PRKN: variants seen among roughly 807,000 people sequenced by gnomAD.
PRKN encodes the protein E3 ubiquitin-protein ligase parkin.
PRKN carries 56 observed loss-of-function variants against 59.5 expected under a neutral mutation model. The ratio of observed to expected loss-of-function variants is 0.94; its 90% CI spans 0.76 to 1.18. The LOEUF (loss-of-function observed/expected upper bound fraction) is 1.18. Among genes scored for constraint, PRKN ranks in the 50% most tolerant of loss-of-function variants. The pLI, the probability that PRKN is intolerant of heterozygous loss-of-function variation, is 0.00. For synonymous variants in PRKN, 250 were observed against 222.1 expected, an observed-to-expected ratio of 1.13 and a Z score of -1.12; for missense variants, 657 against 596.4, an observed-to-expected ratio of 1.10 and a Z score of -1.06.
At chr6:161,977,698 C>A (rs955571413) in intron 5 of PRKN, among the ~76,000 whole-genome samples, 24 of 151,894 alleles carry the variant, frequency 1.6e-4, no homozygotes, top group Non-Finnish European at 2.9e-4. Context: ...AAGGCGCCCG[C>A]CACCACGCCC....
At chr6:161,573,059 C>A (rs1020011640) in intron 7 of PRKN, among the ~76,000 whole-genome samples, 1 of 152,064 alleles carries the variant, frequency 6.6e-6, no homozygotes, top group Non-Finnish European at 1.5e-5. Context: ...GGATAGAAGG[C>A]AAGGGAGGCT....
intron 7 of PRKN, among the ~76,000 whole-genome samples, chr6:161,682,192 G>T (rs1158553151): frequency 6.6e-6 from 1 of 152,176 alleles, no homozygotes; most frequent in Non-Finnish European, 1.5e-5. Context: ...GCTCCACTGG[G>T]CATGGCAGCA....
At chr6:162,010,891 A>T (rs1782589214) in intron 5 of PRKN, among the ~76,000 whole-genome samples, 1 of 12,152 alleles carries the variant, frequency 8.2e-5, no homozygotes, top group South Asian at 3.0e-3. Context: ...TATATAATAT[A>T]TTATATATAC....
intron 6 of PRKN, among the ~76,000 whole-genome samples, chr6:161,830,443 A>G (rs78859497): frequency 1.1e-4 from 16 of 151,966 alleles, no homozygotes; most frequent in African/African-American, 3.1e-4. Context: ...TAGTAGAGAC[A>G]GTGTTTCACC....
intron 2 of PRKN, among the ~76,000 whole-genome samples, chr6:162,293,900 G>A (rs374792756): frequency 1.3e-5 from 2 of 152,064 alleles, no homozygotes; most frequent in Non-Finnish European, 2.9e-5. Flanking sequence ...GGATGGTCTC[G>A]ATCTCCTGAC....
intron 2 of PRKN, among the ~76,000 whole-genome samples, chr6:162,383,229 A>C (rs1429635082): frequency 2.0e-5 from 3 of 152,210 alleles, no homozygotes; most frequent in Non-Finnish European, 4.4e-5. Context: ...TCCCAGTTCC[A>C]TTAGAGGCAT....
chr6:162,462,887 A>G (rs967727576), intron 1 of PRKN, among the ~76,000 whole-genome samples: 10 of 152,054 alleles, frequency 6.6e-5, no homozygotes, highest in Non-Finnish European at 2.9e-5. Context: ...TGAGGTCAGG[A>G]GTTCGAGACC....
chr6:162,313,143 A>G (rs1299942811), intron 2 of PRKN, among the ~76,000 whole-genome samples: 1 of 152,154 alleles, frequency 6.6e-6, no homozygotes, highest in African/African-American at 2.4e-5. Flanking sequence ...TTGCCATCTT[A>G]CCCATCTCTA....
intron 5 of PRKN, among the ~76,000 whole-genome samples, chr6:162,052,350 T>C (rs1777678697): frequency 6.6e-6 from 1 of 152,136 alleles, no homozygotes; most frequent in Admixed American, 6.6e-5. Context: ...TTTTGTTTTG[T>C]TTTTTTAATC....
At position 162,499,599 on chromosome 6, in the gene PRKN, G is replaced by T. The variant is rs73035887; in HGVS notation, c.8-56126C>A. ...CAATTAACTGGAATTCAGGAGACCC[G>T]GACACTGTCTTCAAAGGTTGAAAGA... On this transcript the variant is annotated intron_variant, in intron 1 of 11. Coordinates refer to ENST00000366898, the MANE Select transcript of PRKN (RefSeq NM_004562.3). 2.0e-5 allele frequency among the ~76,000 whole-genome samples: 3 copies of T among 152,232 alleles called. No homozygotes were observed. In the South Asian group the frequency reaches 6.2e-4, roughly 32 times the overall value.
intron 6 of PRKN, among the ~76,000 whole-genome samples, chr6:161,964,109 G>A (rs1410030259): frequency 2.0e-5 from 3 of 152,108 alleles, no homozygotes; most frequent in Non-Finnish European, 4.4e-5. Context: ...GACCATGCAG[G>A]TTGGAGGGTA....
chr6:162,472,084 T>C (rs1471547106), intron 1 of PRKN, among the ~76,000 whole-genome samples: 1 of 152,188 alleles, frequency 6.6e-6, no homozygotes, highest in African/African-American at 2.4e-5. Context: ...ATGGAATGAC[T>C]ACATAATAAC....
At chr6:162,277,882 C>T (rs375421213) in intron 2 of PRKN, among the ~76,000 whole-genome samples, 6 of 152,178 alleles carry the variant, frequency 3.9e-5, no homozygotes, top group Non-Finnish European at 8.8e-5. Context: ...CAAAACTAAA[C>T]ATACTATAAC....
Position 162,414,709 on chromosome 6 carries a change from T to TGAAAAAAAAAAAAAAAAAA in PRKN, c.171+28600_171+28601insTTTTTTTTTTTTTTTTTTC, listed in dbSNP as rs373871165. Among the ~76,000 whole-genome samples, 307 of 44,458 alleles carry TGAAAAAAAAAAAAAAAAAA rather than the reference T, an allele frequency of 6.9e-3. 74 individuals carry two copies. Among genetic ancestry groups the TGAAAAAAAAAAAAAAAAAA allele is most frequent in the Middle Eastern group, 0.024 (2 of 84 alleles). 29.2% of individuals were successfully genotyped at this position (44,458 alleles called of 152,430 possible). ...CTGGTCAACTGAGCAAGACTCCGTC[T>TGAAAAAAAAAAAAAAAAAA]CAAAAAAAAAAAAAAAAAGTGAATC... is the stretch of plus-strand genomic sequence containing the variant. On this transcript the variant is annotated intron_variant, in intron 2 of 11. Transcript: ENST00000366898.
At chr6:162,715,181 T>G (rs1003827215) in intron 1 of PRKN, among the ~76,000 whole-genome samples, 1 of 152,136 alleles carries the variant, frequency 6.6e-6, no homozygotes, top group African/African-American at 2.4e-5. Context: ...CAAAGATAAA[T>G]GAAGTGGGGC....
intron 4 of PRKN, among the ~76,000 whole-genome samples, chr6:162,066,052 G>A (rs1279907238): frequency 6.6e-6 from 1 of 152,180 alleles, no homozygotes; most frequent in Non-Finnish European, 1.5e-5. Context: ...TGTCTTGATA[G>A]TAGCATGATT....
rs1242030157 is a variant in PRKN, at chr6:161,902,564, A to ATCTATTTTTTTTTTT, written c.734+70737_734+70738insAAAAAAAAAAATAGA. Reference sequence around the variant, plus strand: ...TATCTATCTATTTATTTATTTATTTATTTTTTTTTTTTTGCGACAGAGTCT... The same window carrying ATCTATTTTTTTTTTT: ...TATCTATCTATTTATTTATTTATTTATCTATTTTTTTTTTTTTTTTTTTTTTTTGCGACAGAGTCT... On this transcript the variant is annotated intron_variant, in intron 6 of 11. Coordinates refer to ENST00000366898, the MANE Select transcript of PRKN (RefSeq NM_004562.3). Among the ~76,000 whole-genome samples the ATCTATTTTTTTTTTT allele has an allele frequency of 1.2e-3, 135 of 112,010 alleles. 3 individuals are homozygous for ATCTATTTTTTTTTTT. The highest frequency in any genetic ancestry group is 3.6e-3 in the African/African-American group (109 of 29,872). The allele number at this position is 112,010 out of a possible 152,430, so 73.5% of individuals were successfully genotyped here.
chr6:162,262,006 C>T (rs1779909018), intron 3 of PRKN, among the ~76,000 whole-genome samples: 1 of 152,138 alleles, frequency 6.6e-6, no homozygotes, highest in Admixed American at 6.6e-5. Flanking sequence ...TTTGTGTCTT[C>T]TGTCAAACAC....
intron 9 of PRKN, among the ~76,000 whole-genome samples, chr6:161,443,668 G>T (rs531858689): frequency 6.6e-6 from 1 of 151,988 alleles, no homozygotes; most frequent in Non-Finnish European, 1.5e-5. Flanking sequence ...TTTTTAAATG[G>T]TCATAACCAT....
Sources: gnomAD v4.1 joint callset for allele counts (sites outside exome capture counted in the v4.1 genomes callset) on GRCh38, gnomAD v4.1.1 for gene constraint, MANE v1.5 for transcripts, NCBI Gene and HGNC (gene_info 2026-07-23, HGNC 2026-07-21) for gene names.